The following KIF6 variants were observed in gnomAD, a reference collection of about 807,000 sequenced individuals.
KIF6 encodes the protein kinesin family member 6.
A neutral mutation model predicts 112.7 loss-of-function variants in KIF6; 106 were observed. The ratio of observed to expected loss-of-function variants is 0.94; its 90% CI spans 0.80 to 1.11. KIF6 has a LOEUF of 1.11. Among genes scored for constraint, KIF6 ranks in the 50% least tolerant of loss-of-function variants. KIF6 has a pLI of 0.00. For synonymous variants in KIF6, 339 were observed against 339.9 expected, an observed-to-expected ratio of 1.00 and a Z score of 0.03; for missense variants, 929 against 964.0, an observed-to-expected ratio of 0.96 and a Z score of 0.48.
intron 13 of KIF6, among the ~76,000 whole-genome samples, chr6:39,491,636 C>T (rs1327401640): frequency 6.6e-6 from 1 of 152,054 alleles, no homozygotes; most frequent in Non-Finnish European, 1.5e-5. Context: ...CAGTAAGAAG[C>T]CAGAAGGGAC....
At chr6:39,629,145 GT>G (rs1272943747) in intron 5 of KIF6, among the ~76,000 whole-genome samples, 1 of 152,074 alleles carries the variant, frequency 6.6e-6, no homozygotes, top group Admixed American at 6.6e-5. Flanking sequence ...TTGTGGGAAG[GT>G]TTTTGTGTAG....
At chr6:39,643,218 G>A (rs1021300771) in intron 3 of KIF6, among the ~76,000 whole-genome samples, 1 of 152,174 alleles carries the variant, frequency 6.6e-6, no homozygotes, top group Non-Finnish European at 1.5e-5. Context: ...TAGGGTACAA[G>A]TCTTAACACT....
chr6:39,561,288 T>C (rs1278525620), intron 10 of KIF6, among the ~76,000 whole-genome samples: 1 of 152,022 alleles, frequency 6.6e-6, no homozygotes, highest in Non-Finnish European at 1.5e-5. Flanking sequence ...GAAAGTGAGT[T>C]TAAGTCATAA....
chr6:39,582,671 T>G (rs1193865750), intron 9 of KIF6, among the ~76,000 whole-genome samples: 2 of 152,114 alleles, frequency 1.3e-5, no homozygotes, highest in Non-Finnish European at 2.9e-5. Context: ...CGCCTCAGCC[T>G]CCCAAAGTGC....
intron 3 of KIF6, among the ~76,000 whole-genome samples, chr6:39,684,998 G>A (rs1050862720): frequency 6.6e-5 from 10 of 152,236 alleles, no homozygotes; most frequent in Non-Finnish European, 1.3e-4. Flanking sequence ...AAGCCCAGTT[G>A]GAGAGGGTCC....
chr6:39,651,156 T>C (rs1785447260), intron 3 of KIF6, among the ~76,000 whole-genome samples: 1 of 152,190 alleles, frequency 6.6e-6, no homozygotes, highest in South Asian at 2.1e-4. Flanking sequence ...AAATTTATAA[T>C]TAGAGAGGCC....
chr6:39,395,347 C>T (rs149976623), intron 15 of KIF6, among the ~76,000 whole-genome samples: 476 of 152,266 alleles, frequency 3.1e-3, no homozygotes, highest in Admixed American at 4.6e-3. Context: ...CTCAAACAAA[C>T]GTGGAGATGC....
intron 22 of KIF6, among the ~76,000 whole-genome samples, chr6:39,341,661 A>G (rs1763332559): frequency 6.6e-6 from 1 of 152,162 alleles, no homozygotes; most frequent in Admixed American, 6.5e-5. Flanking sequence ...CTGAAACTTC[A>G]AAAAGGGCAG....
intron 21 of KIF6, among the ~76,000 whole-genome samples, chr6:39,344,770 G>A (rs937190246): frequency 2.0e-5 from 3 of 152,120 alleles, no homozygotes; most frequent in African/African-American, 7.2e-5. Context: ...CATTCCCCAC[G>A]TGGCTTAGCT....
chr6:39,530,669 T>C (rs989017201), intron 13 of KIF6, among the ~76,000 whole-genome samples: 8 of 152,062 alleles, frequency 5.3e-5, no homozygotes, highest in African/African-American at 1.9e-4. Context: ...TCAGCATAAA[T>C]TGGTAAAGTG....
chr6:39,535,308 C>A lies in KIF6; in HGVS notation c.1645+4695G>T, dbSNP rs980863310. Among the ~76,000 whole-genome samples, 83 of 152,202 alleles carry A rather than the reference C, an allele frequency of 5.5e-4. 1 individual carries two copies. Among genetic ancestry groups the A allele is most frequent in the Admixed American group, 1.3e-3 (20 of 15,296 alleles). ...TCAAGACCCATCAGTGTGCTGTATT[C>A]AGGAAACCCATCTCATGTGCAGAGA... On this transcript the variant is annotated intron_variant, in intron 13 of 22. Coordinates refer to ENST00000287152, the MANE Select transcript of KIF6 (RefSeq NM_145027.6).
rs750087504 is a variant in KIF6 at position 39,544,628 on chromosome 6, A to G, written c.1353T>C (p.Asp451=). The G allele has an allele frequency of 1.8e-5, 29 of 1,612,352 alleles. No individual in the cohort carries two copies. The highest frequency in any genetic ancestry group is 1.9e-5 in the Non-Finnish European group (22 of 1,178,914). The change falls in exon 12 of 23, where the codon GAT becomes GAC. Residue 451 remains aspartate (D), a synonymous_variant. Coordinates refer to ENST00000287152, the MANE Select transcript of KIF6 (RefSeq NM_145027.6). ...NTVSSESKDQ[D]CQEPLKEEEY... is the part of the protein sequence containing the mutation. ...CTTCTTCTTTTAATGGTTCTTGACA[A>G]TCTTGGTCTTTGCTTTCAGAGGAGA...
chr6:39,534,302 T>C (rs1359433839), intron 13 of KIF6, among the ~76,000 whole-genome samples: 2 of 152,178 alleles, frequency 1.3e-5, no homozygotes, highest in African/African-American at 2.4e-5. Context: ...GCAAAGAAGT[T>C]AATAACTTTG....
At chr6:39,492,067 A>G (rs145324484) in intron 13 of KIF6, among the ~76,000 whole-genome samples, 1 of 152,296 alleles carries the variant, frequency 6.6e-6, no homozygotes, top group Non-Finnish European at 1.5e-5. Flanking sequence ...AAAAGATGAC[A>G]CCCACGGCGA....
chr6:39,680,822 C>G (rs546147689), intron 3 of KIF6, among the ~76,000 whole-genome samples: 7 of 152,216 alleles, frequency 4.6e-5, no homozygotes, highest in South Asian at 2.1e-4. Context: ...TATTTAAAAC[C>G]CTTTTTGTCC....
At chr6:39,636,913 A>G (rs981673966) in intron 4 of KIF6, among the ~76,000 whole-genome samples, 6 of 152,040 alleles carry the variant, frequency 3.9e-5, no homozygotes, top group African/African-American at 1.4e-4. Flanking sequence ...CACCATAAAA[A>G]TGGGGATAAT....
intron 10 of KIF6, among the ~76,000 whole-genome samples, chr6:39,552,556 A>C (rs1300864817): frequency 6.6e-6 from 1 of 152,208 alleles, no homozygotes; most frequent in Non-Finnish European, 1.5e-5. Flanking sequence ...CACTCTTTGC[A>C]TTCATACTAC....
chr6:39,485,673 G>A (rs1415015070), intron 13 of KIF6, among the ~76,000 whole-genome samples: 4 of 152,174 alleles, frequency 2.6e-5, no homozygotes, highest in Non-Finnish European at 5.9e-5. Flanking sequence ...GAGAGCCACT[G>A]TCACGAAAGG....
At chr6:39,543,780 T>C (rs899774958) in intron 12 of KIF6, among the ~76,000 whole-genome samples, 4 of 152,204 alleles carry the variant, frequency 2.6e-5, no homozygotes, top group African/African-American at 9.6e-5. Flanking sequence ...AGGCCTGAGT[T>C]CCACCCAACC....
Sources: allele counts gnomAD v4.1 joint callset (sites outside exome capture counted in the v4.1 genomes callset), GRCh38; gene constraint gnomAD v4.1.1; transcripts MANE v1.5; gene names NCBI Gene and HGNC (gene_info 2026-07-23, HGNC 2026-07-21).